SLC28A3: variants seen among roughly 807,000 people sequenced by gnomAD.
The protein encoded by SLC28A3 is concentrative Na(+)-nucleoside cotransporter 3.
A neutral mutation model predicts 84.2 loss-of-function variants in SLC28A3; 68 were observed. The ratio of observed to expected loss-of-function variants is 0.81; its 90% CI spans 0.66 to 0.99. SLC28A3 has a LOEUF of 0.99. SLC28A3 is among the 50% of genes least tolerant of loss of function. The pLI, the probability that SLC28A3 is intolerant of heterozygous loss-of-function variation, is 0.00. For synonymous variants in SLC28A3, 267 were observed against 303.6 expected (o/e 0.88, Z 1.25); for missense variants, 712 against 841.5 (o/e 0.85, Z 1.90).
At chr9:84,293,105 A>G (rs1037079244) in intron 9 of SLC28A3, among the ~76,000 whole-genome samples, 1 of 152,250 alleles carries the variant, frequency 6.6e-6, no homozygotes, top group Non-Finnish European at 1.5e-5. Flanking sequence ...AATGCAATTA[A>G]TTCTTACAAT....
chr9:84,320,990 GA>G (rs1826357658), intron 1 of SLC28A3, among the ~76,000 whole-genome samples: 1 of 146,608 alleles, frequency 6.8e-6, no homozygotes. Flanking sequence ...AAAAAAGAAA[GA>G]AAAGCTTTCA....
the SLC28A3 span, among the ~76,000 whole-genome samples, chr9:84,368,518 G>A: frequency 2.6e-5 from 4 of 152,036 alleles, no homozygotes; most frequent in African/African-American, 9.7e-5. Context: ...AATGCTGGCC[G>A]GACTGGGTCC....
At chr9:84,330,193 A>G (rs1050097811) in intron 1 of SLC28A3, among the ~76,000 whole-genome samples, 1 of 152,204 alleles carries the variant, frequency 6.6e-6, no homozygotes, top group African/African-American at 2.4e-5. Flanking sequence ...ACTAATAGCA[A>G]GTGAAGAGAT....
intron 7 of SLC28A3, 126 bp from the exon 8 acceptor site, chr9:84,297,424 T>C: frequency 1.4e-6 from 1 of 695,192 alleles, no homozygotes; most frequent in South Asian, 2.0e-5. Flanking sequence ...GGAAAGTTAA[T>C]GTTCTCAGCT....
At chr9:84,360,557 A>G in the SLC28A3 span, among the ~76,000 whole-genome samples, 3 of 152,250 alleles carry the variant, frequency 2.0e-5, no homozygotes, top group Middle Eastern at 6.8e-3. Flanking sequence ...GAACAAGAGA[A>G]AAACGTCCAG....
At chr9:84,339,820 T>C (rs1314281627) in intron 1 of SLC28A3, among the ~76,000 whole-genome samples, 1 of 152,154 alleles carries the variant, frequency 6.6e-6, no homozygotes, top group Non-Finnish European at 1.5e-5. Flanking sequence ...TCAAAGCCCT[T>C]TTACCTCCCT....
the SLC28A3 span, among the ~76,000 whole-genome samples, chr9:84,349,602 C>T: frequency 6.6e-6 from 1 of 152,196 alleles, no homozygotes. Context: ...CAGACTAAGA[C>T]AGCATCCATA....
intron 1 of SLC28A3, among the ~76,000 whole-genome samples, chr9:84,325,376 T>C (rs1826516238): frequency 6.6e-6 from 1 of 152,246 alleles, no homozygotes; most frequent in Non-Finnish European, 1.5e-5. Flanking sequence ...TTGCTCAATA[T>C]ACTTTGTTGA....
the SLC28A3 span, among the ~76,000 whole-genome samples, chr9:84,352,214 C>T: frequency 4.7e-3 from 720 of 152,036 alleles, 9 homozygotes; most frequent in African/African-American, 0.016. Flanking sequence ...GACAGAGTCT[C>T]GCACTGTTGC....
intron 5 of SLC28A3, among the ~76,000 whole-genome samples, chr9:84,301,369 A>AAAAAAAAAAAAAAAAG (rs753889714): frequency 2.7e-4 from 36 of 132,372 alleles, no homozygotes; most frequent in Admixed American, 8.5e-4. Flanking sequence ...AAAAAAAAAA[A>AAAAAAAAAAAAAAAAG]AAAAAGAAAA....
the SLC28A3 span, among the ~76,000 whole-genome samples, chr9:84,350,241 A>C: frequency 2.1e-4 from 32 of 152,296 alleles, no homozygotes; most frequent in African/African-American, 7.7e-4. Context: ...CTGGAGTTCA[A>C]GACCAGCCTG....
chr9:84,311,539 ACTAGTTTCATGGC>A (rs989516305), intron 2 of SLC28A3, among the ~76,000 whole-genome samples: 5 of 151,602 alleles, frequency 3.3e-5, no homozygotes, highest in Non-Finnish European at 7.4e-5. Context: ...TATCAGGCAT[ACTAGTTTCATGGC>A]CCTAAAAATC....
chr9:84,313,495 C>G, intron 1 of SLC28A3, 41 bp from the exon 2 acceptor site: 1 of 1,523,644 alleles, frequency 6.6e-7, no homozygotes, highest in South Asian at 1.1e-5. Flanking sequence ...AAAGTTACAG[C>G]CAAAAGACAG....
At chr9:84,313,985 C>T (rs1826082409) in intron 1 of SLC28A3, among the ~76,000 whole-genome samples, 1 of 152,092 alleles carries the variant, frequency 6.6e-6, no homozygotes, top group Admixed American at 6.6e-5. Flanking sequence ...CAATTGCCCT[C>T]ATCTCGGCCT....
intron 1 of SLC28A3, among the ~76,000 whole-genome samples, chr9:84,321,871 G>A (rs1826392920): frequency 6.6e-6 from 1 of 151,910 alleles, no homozygotes; most frequent in East Asian, 1.9e-4. Context: ...CCAACATGGT[G>A]AAACCCGGTC....
chr9:84,357,000 A>G, the SLC28A3 span, among the ~76,000 whole-genome samples: 2 of 152,214 alleles, frequency 1.3e-5, no homozygotes, highest in Non-Finnish European at 2.9e-5. Flanking sequence ...CTTCCAGAAT[A>G]GATTCCATAG....
At chr9:84,299,874 C>A in intron 5 of SLC28A3, 149 bp from the exon 6 acceptor site, 1 of 822,762 alleles carries the variant, frequency 1.2e-6, no homozygotes, top group Non-Finnish European at 1.8e-6. Context: ...CTCACTGCAA[C>A]CTCCACTTCC....
chr9:84,355,498 C>G, the SLC28A3 span, among the ~76,000 whole-genome samples: 1 of 152,118 alleles, frequency 6.6e-6, no homozygotes, highest in Non-Finnish European at 1.5e-5. Context: ...ATACATGGGT[C>G]CACCAGATAT....
Position 84,285,511 on chromosome 9 carries a change from G to A in SLC28A3, c.1481C>T (p.Ser494Phe), listed in dbSNP as rs1221749861. 3 of 1,614,014 alleles carry A rather than the reference G, an allele frequency of 1.9e-6. No homozygotes were observed. Residue 494 changes from serine to phenylalanine, a missense_variant, in exon 14 of 18, where the codon TCC becomes TTC. Ser to Phe is a radical substitution (Grantham distance 155). Transcript: ENST00000376238. ...LICSYIFMPF[S>F]FMMGVEWQDS... ...CTGCCATTCCACTCCCATCATGAAG[G>A]AAAAGGGCATGAAGATGTAGGAGCA... is the stretch of plus-strand genomic sequence containing the variant.
Sources: allele counts gnomAD v4.1 joint callset (sites outside exome capture counted in the v4.1 genomes callset), GRCh38; gene constraint gnomAD v4.1.1; transcripts MANE v1.5; gene names NCBI Gene and HGNC (gene_info 2026-07-23, HGNC 2026-07-21).